RBM22: variants seen among roughly 807,000 people sequenced by gnomAD.
The protein encoded by RBM22 is RNA binding motif protein 22.
RBM22 carries 1 observed loss-of-function variant against 50.1 expected under a neutral mutation model. The observed-to-expected ratio is 0.02, with a 90% confidence interval of 0.01 to 0.09. The LOEUF is 0.09. Among genes scored for constraint, RBM22 ranks in the 10% least tolerant of loss-of-function variants. The pLI is 1.00. For missense variants in RBM22, 264 were observed against 529.3 expected (o/e 0.50, Z 4.92); for synonymous variants, 152 against 179.0 (o/e 0.85, Z 1.20).
At chr5:150,699,332 A>G (rs1759315374) in intron 2 of RBM22, 61 bp from the exon 3 acceptor site, 2 of 1,510,946 alleles carry the variant, frequency 1.3e-6, no homozygotes, top group Non-Finnish European at 1.8e-6. Flanking sequence ...CCAGATGTCT[A>G]CTCTTTCCTT....
At chr5:150,693,731 C>T (rs1319120930) in intron 8 of RBM22, among the ~76,000 whole-genome samples, 2 of 152,194 alleles carry the variant, frequency 1.3e-5, no homozygotes, top group African/African-American at 4.8e-5. Context: ...ATCTTCTCCA[C>T]TGGACAATCA....
At chr5:150,700,355 T>C in intron 2 of RBM22, 89 bp downstream of exon 2, 1 of 1,306,868 alleles carries the variant, frequency 7.7e-7, no homozygotes. Context: ...CATCATTTTT[T>C]CTGCTTGTCT....
chr5:150,694,784 C>T (rs574598474), intron 7 of RBM22: 1 of 152,594 alleles, frequency 6.6e-6, no homozygotes, highest in East Asian at 1.9e-4. Flanking sequence ...AGGTAATTTC[C>T]ATTACTATCT....
chr5:150,697,189 G>A (rs187519820), intron 4 of RBM22, among the ~76,000 whole-genome samples: 19 of 152,142 alleles, frequency 1.2e-4, no homozygotes, highest in African/African-American at 4.6e-4. Flanking sequence ...TGCAAGGCTG[G>A]AGCTGACAGA....
At position 150,691,694 on chromosome 5, in the gene RBM22, T is replaced by A; in HGVS notation, c.*57A>T. The A allele has an allele frequency of 7.0e-7, 1 of 1,421,768 alleles. No individual in the cohort carries two copies. Among genetic ancestry groups the A allele is most frequent in the Non-Finnish European group, 9.3e-7 (1 of 1,074,614 alleles). The allele number at this position is 1,421,768 out of a possible 1,614,324, so 88.1% of individuals were successfully genotyped here. A position where few individuals can be genotyped will look rare whatever the true frequency, so the allele number is the denominator to read the frequency against. The stretch of plus-strand genomic sequence containing the variant: ...AGGAAAAATATATTTATTCCAAGAT[T>A]TACTGGGAGTTTTAAGTGCCCTTTC... On this transcript the variant is annotated 3_prime_UTR_variant, in exon 11 of 11. Transcript: ENST00000199814.
In RBM22 at chr5:150,696,526, C is replaced by T. The variant is rs1162994443; in HGVS notation, c.545+7G>A. On this transcript the variant is annotated splice_region_variant and intron_variant, in intron 6 of 10. Coordinates refer to ENST00000199814, the MANE Select transcript of RBM22 (RefSeq NM_018047.3). This position sits in a 1 kb window ranked among gnomAD's most constrained non-coding sequence, Gnocchi z 4.3. ...AAGCAAATACTGAAAATGAGGCTCG[C>T]TCTTGCCTGTATGGACATTCCTCTC... 6.2e-6 allele frequency: 10 copies of T among 1,609,660 alleles called. No homozygotes were observed. Among genetic ancestry groups the T allele is most frequent in the African/African-American group, 1.3e-5 (1 of 74,790 alleles).
At position 150,697,479 on chromosome 5, in the gene RBM22, G is replaced by C. The variant is rs545354386; in HGVS notation, c.272-588C>G. ...TTTAGATGAACAAACTGTGCCCATG[G>C]TCATATTCAACCTGTAAATTAGCTC... On this transcript the variant is annotated intron_variant, in intron 4 of 10. Coordinates refer to ENST00000199814, the MANE Select transcript of RBM22 (RefSeq NM_018047.3). 1.9e-3 allele frequency among the ~76,000 whole-genome samples: 284 copies of C among 152,206 alleles called. 3 individuals carry two copies. Among genetic ancestry groups the C allele is most frequent in the Admixed American group, 6.4e-3 (97 of 15,274 alleles).
Position 150,695,718 on chromosome 5 carries a change from GA to G in RBM22, c.546-13del. 8 of 1,585,626 alleles carry G rather than the reference GA, an allele frequency of 5.0e-6. No homozygotes were observed. Among genetic ancestry groups the G allele is most frequent in the Non-Finnish European group, 6.9e-6 (8 of 1,164,676 alleles). ...TAGGCTTCTCATGTCTATGATTCAAGAAAAAAACAAGGCATAAAGGTGAAAC... is the reference window on the plus strand; with the variant it reads ...TAGGCTTCTCATGTCTATGATTCAAGAAAAAACAAGGCATAAAGGTGAAAC... On this transcript the variant is annotated splice_polypyrimidine_tract_variant and intron_variant, in intron 6 of 10. Coordinates refer to ENST00000199814, the MANE Select transcript of RBM22 (RefSeq NM_018047.3).
At chr5:150,699,209 CAG>C (rs1396690111) in intron 3 of RBM22, 31 bp downstream of exon 3, 1 of 1,574,058 alleles carries the variant, frequency 6.4e-7, no homozygotes, top group East Asian at 2.3e-5. Flanking sequence ...AAAAATGAAA[CAG>C]AAATCATTAC....
At position 150,692,967 on chromosome 5, in the gene RBM22, G is replaced by C. The variant is rs761712269; in HGVS notation, c.1060C>G (p.Pro354Ala). Residue 354 changes from proline to alanine, a missense_variant, in exon 10 of 11, where the codon CCA (proline) becomes GCA (alanine). Pro to Ala is a conservative substitution (Grantham distance 27). Transcript: ENST00000199814. Reference protein sequence around the residue: ...EASANYFNLPPSGPPAVVNIA... With the variant: ...EASANYFNLPASGPPAVVNIA... ...TTCACCACAGCTGGAGGACCACTTG[G>C]GGGCAAGTTGAAGTAGTTGGCAGAG... 1.9e-6 allele frequency: 3 copies of C among 1,613,372 alleles called. No homozygotes were observed. Among genetic ancestry groups the C allele is most frequent in the Non-Finnish European group, 2.5e-6 (3 of 1,179,580 alleles).
Position 150,700,953 on chromosome 5 carries a change from G to T in RBM22, c.33C>A (p.Asn11Lys). Residue 11 changes from asparagine to lysine, a missense_variant, in exon 1 of 11, where the codon AAC becomes AAA. Physicochemically the swap from Asn to Lys is moderately conservative, Grantham distance 94. Coordinates refer to ENST00000199814, the MANE Select transcript of RBM22 (RefSeq NM_018047.3). ...TCACCGCATCCTCCCAGTTCTGCCT[G>T]TTGTAGGTGTTGGAACCCAGAGAGG... MATSLGSNTY[N>K]RQNWEDADFP... 6.2e-7 allele frequency: 1 copy of T among 1,614,256 alleles called. No individual in the cohort carries two copies. The highest frequency in any genetic ancestry group is 8.5e-7 in the Non-Finnish European group (1 of 1,180,044).
At chr5:150,700,757 C>T (rs1561680089) in intron 1 of RBM22, 175 bp downstream of exon 1, 4 of 1,544,746 alleles carry the variant, frequency 2.6e-6, no homozygotes, top group East Asian at 2.4e-5. Context: ...GCTAAGCCCC[C>T]TCCCTTCAAG....
At chr5:150,697,632 C>T in intron 4 of RBM22, 1 of 203,092 alleles carries the variant, frequency 4.9e-6, no homozygotes, top group South Asian at 5.9e-5. Flanking sequence ...CCAGACGCCT[C>T]CTTAACAAAC....
chr5:150,693,312 G>C lies in RBM22; in HGVS notation c.912-5C>G. 1 of 1,610,142 alleles carries C rather than the reference G, an allele frequency of 6.2e-7. No homozygotes were observed. Among genetic ancestry groups the C allele is most frequent in the Non-Finnish European group, 8.5e-7 (1 of 1,177,622 alleles). On this transcript the variant is annotated splice_region_variant and splice_polypyrimidine_tract_variant and intron_variant, in intron 8 of 10. Coordinates refer to ENST00000199814, the MANE Select transcript of RBM22 (RefSeq NM_018047.3). ...TTTCCTCTGGCTGCCTGGGATCTGG[G>C]AAACACACATGCATACAGTCGGCAC...
chr5:150,700,412 A>G, intron 2 of RBM22, 32 bp downstream of exon 2: 1 of 1,578,516 alleles, frequency 6.3e-7, no homozygotes, highest in South Asian at 1.1e-5. Context: ...TCGACAGGAC[A>G]TGAATAACTC....
rs1293760308 is a variant in RBM22, at chr5:150,699,390, G to A, written c.109-119C>T. The A allele has an allele frequency of 3.7e-6, 5 of 1,363,728 alleles. No homozygotes were observed. In the Admixed American group the frequency reaches 1.3e-4, roughly 36 times the overall value. The allele number at this position is 1,363,728 out of a possible 1,614,324, so 84.5% of individuals were successfully genotyped here. ...CTGGAAATCCCTGGCATCCTAGAGAGAGAAAAACAGCAACAACAAAACCCA... is the reference window on the plus strand; with the variant it reads ...CTGGAAATCCCTGGCATCCTAGAGAAAGAAAAACAGCAACAACAAAACCCA... On this transcript the variant is annotated intron_variant, in intron 2 of 10. Transcript: ENST00000199814.
At chr5:150,699,039 C>T (rs951026432) in intron 3 of RBM22, among the ~76,000 whole-genome samples, 4 of 152,094 alleles carry the variant, frequency 2.6e-5, no homozygotes, top group African/African-American at 7.2e-5. Context: ...CCACTGACAC[C>T]GTAAGAATCT....
In RBM22 at chr5:150,700,846, G is replaced by C. The variant is rs1262788007; in HGVS notation, c.54+86C>G. On this transcript the variant is annotated intron_variant, in intron 1 of 10. Coordinates refer to ENST00000199814, the MANE Select transcript of RBM22 (RefSeq NM_018047.3). Reference sequence around the variant, plus strand: ...GCTGGCTCCTCCCCGGTATTCCTTCGGCCGCGCCGCAGGCCCTGTCCTGCC... The same window carrying C: ...GCTGGCTCCTCCCCGGTATTCCTTCCGCCGCGCCGCAGGCCCTGTCCTGCC... 4 of 1,612,340 alleles carry C rather than the reference G, an allele frequency of 2.5e-6. No individual in the cohort carries two copies. The African/African-American group carries it at 4.0e-5, about 16-fold the overall frequency.
Position 150,696,437 on chromosome 5 carries a change from T to C in RBM22, c.545+96A>G, listed in dbSNP as rs1759277292. On this transcript the variant is annotated intron_variant, in intron 6 of 10. Coordinates refer to ENST00000199814, the MANE Select transcript of RBM22 (RefSeq NM_018047.3). This position sits in a 1 kb window ranked among gnomAD's most constrained non-coding sequence, Gnocchi z 4.3. ...TATACCACATTAGTTGTATGACCTTTAGATTTTAAAGCAGAAACAGTTTAA... is the reference window on the plus strand; with the variant it reads ...TATACCACATTAGTTGTATGACCTTCAGATTTTAAAGCAGAAACAGTTTAA... 3 of 1,341,956 alleles carry C rather than the reference T, an allele frequency of 2.2e-6. No homozygotes were observed. Among genetic ancestry groups the C allele is most frequent in the Non-Finnish European group, 3.1e-6 (3 of 973,234 alleles). The allele number at this position is 1,341,956 out of a possible 1,614,324, so 83.1% of individuals were successfully genotyped here. A position where few individuals can be genotyped will look rare whatever the true frequency, so the allele number is the denominator to read the frequency against.
Sources: allele counts gnomAD v4.1 joint callset (sites outside exome capture counted in the v4.1 genomes callset), GRCh38; gene constraint gnomAD v4.1.1; non-coding constraint Gnocchi (gnomAD v3.1); transcripts MANE v1.5; gene names NCBI Gene and HGNC (gene_info 2026-07-23, HGNC 2026-07-21).